Variants in B3GALT1 observed in about 807,000 individuals in gnomAD.
B3GALT1 encodes the protein beta-1,3-galactosyltransferase 1.
B3GALT1 carries 10 observed loss-of-function variants against 23.2 expected under a neutral mutation model. That is an observed-to-expected ratio of 0.43 (90% CI 0.27 to 0.73). The LOEUF is 0.73. Ranked by LOEUF, B3GALT1 falls within the 30% of genes least tolerant of loss-of-function variation. The pLI is 0.21. For synonymous variants in B3GALT1, 156 were observed against 141.5 expected, an observed-to-expected ratio of 1.10 and a Z score of -0.73; for missense variants, 299 against 405.4, an observed-to-expected ratio of 0.74 and a Z score of 2.25.
chr2:167,566,608 C>T (rs1367435884), intron 2 of B3GALT1, among the ~76,000 whole-genome samples: 7 of 151,712 alleles, frequency 4.6e-5, no homozygotes, highest in Non-Finnish European at 1.0e-4. Flanking sequence ...ATTTGAATGA[C>T]GTGAGGTTTA....
intron 3 of B3GALT1, among the ~76,000 whole-genome samples, chr2:167,653,643 A>T (rs959735858): frequency 3.3e-5 from 5 of 152,116 alleles, no homozygotes; most frequent in Non-Finnish European, 7.4e-5. Context: ...TTTACAGGAG[A>T]TGTTGCAGGC....
At chr2:167,581,821 A>G (rs945013503) in intron 2 of B3GALT1, among the ~76,000 whole-genome samples, 3 of 152,172 alleles carry the variant, frequency 2.0e-5, no homozygotes, top group East Asian at 1.9e-4. Context: ...TATCCTGTTT[A>G]TTTATGTATT....
At chr2:167,405,985 A>G (rs1012692895) in intron 1 of B3GALT1, among the ~76,000 whole-genome samples, 3 of 152,136 alleles carry the variant, frequency 2.0e-5, no homozygotes, top group Non-Finnish European at 4.4e-5. Flanking sequence ...AATATTAGAA[A>G]ATAAAGCAGC....
intron 1 of B3GALT1, among the ~76,000 whole-genome samples, chr2:167,460,722 T>C (rs888347088): frequency 1.1e-4 from 17 of 152,138 alleles, no homozygotes; most frequent in African/African-American, 4.1e-4. Flanking sequence ...GTGGTACCTC[T>C]ATAAATTGAT....
chr2:167,673,431 A>G (rs1016852686), intron 3 of B3GALT1, among the ~76,000 whole-genome samples: 7 of 151,958 alleles, frequency 4.6e-5, no homozygotes, highest in African/African-American at 1.7e-4. Context: ...AATAGCACCA[A>G]CTCTTTTGAG....
At chr2:167,479,092 ATAAT>A (rs1446041333) in intron 1 of B3GALT1, among the ~76,000 whole-genome samples, 4 of 151,994 alleles carry the variant, frequency 2.6e-5, no homozygotes, top group African/African-American at 9.6e-5. Flanking sequence ...AAATAAATAA[ATAAT>A]AAATAAATAA....
intron 1 of B3GALT1, among the ~76,000 whole-genome samples, chr2:167,353,544 AG>A (rs1342955898): frequency 6.6e-6 from 1 of 152,068 alleles, no homozygotes; most frequent in Non-Finnish European, 1.5e-5. Context: ...TATTCTCTAA[AG>A]TCTTGGGGTG....
intron 2 of B3GALT1, among the ~76,000 whole-genome samples, chr2:167,633,625 A>G (rs1685498320): frequency 6.6e-6 from 1 of 152,000 alleles, no homozygotes; most frequent in African/African-American, 2.4e-5. Context: ...CAATTCAACA[A>G]GAAGAGCTAA....
chr2:167,496,348 A>T (rs1406298382), intron 2 of B3GALT1, among the ~76,000 whole-genome samples: 1 of 152,128 alleles, frequency 6.6e-6, no homozygotes, highest in Non-Finnish European at 1.5e-5. Context: ...TGAGAAGGTT[A>T]ATGAGAAGAT....
At chr2:167,498,697 G>A (rs1322453973) in intron 2 of B3GALT1, among the ~76,000 whole-genome samples, 3 of 152,158 alleles carry the variant, frequency 2.0e-5, no homozygotes, top group Admixed American at 6.6e-5. Context: ...GATGGTAGGA[G>A]TCATCTGGAA....
chr2:167,352,280 G>GT (rs751182725), intron 1 of B3GALT1, among the ~76,000 whole-genome samples: 42 of 8,624 alleles, frequency 4.9e-3, no homozygotes, highest in South Asian at 0.014. Context: ...TTTTTTTTTT[G>GT]TTTTTTTTTT....
intron 2 of B3GALT1, among the ~76,000 whole-genome samples, chr2:167,568,402 ATGT>A (rs1684218221): frequency 6.6e-6 from 1 of 151,984 alleles, no homozygotes. Context: ...TCAGCATTTG[ATGT>A]TGTCAGTGTT....
chr2:167,536,198 C>T (rs529476681), intron 2 of B3GALT1, among the ~76,000 whole-genome samples: 51 of 152,180 alleles, frequency 3.4e-4, no homozygotes, highest in Non-Finnish European at 5.7e-4. Context: ...TGAGCCACCG[C>T]GCCCAGCCAA....
chr2:167,431,249 A>G (rs1481947731), intron 1 of B3GALT1, among the ~76,000 whole-genome samples: 1 of 152,226 alleles, frequency 6.6e-6, no homozygotes, highest in Non-Finnish European at 1.5e-5. Flanking sequence ...GGTAAATGGG[A>G]AAATAAAAGC....
intron 1 of B3GALT1, among the ~76,000 whole-genome samples, chr2:167,466,782 G>A (rs75518209): frequency 3.5e-4 from 32 of 92,348 alleles, no homozygotes; most frequent in Non-Finnish European, 3.5e-4. Context: ...GTGTGATCTT[G>A]GCTCACTGCA....
chr2:167,425,186 AC>A (rs531334490), intron 1 of B3GALT1, among the ~76,000 whole-genome samples: 93 of 152,344 alleles, frequency 6.1e-4, no homozygotes, highest in Non-Finnish European at 1.1e-3. Context: ...TTGGTAGCAG[AC>A]AGAACTCTGC....
intron 2 of B3GALT1, among the ~76,000 whole-genome samples, chr2:167,626,287 ACC>A (rs912357815): frequency 6.6e-6 from 1 of 151,576 alleles, no homozygotes; most frequent in African/African-American, 2.4e-5. Context: ...TCTAATCCAA[ACC>A]CATATAGATC....
chr2:167,516,530 CAAGTCACTT>C (rs1335480163), intron 2 of B3GALT1, among the ~76,000 whole-genome samples: 1 of 152,016 alleles, frequency 6.6e-6, no homozygotes, highest in African/African-American at 2.4e-5. Context: ...TTGCCTTTGG[CAAGTCACTT>C]AAGTCACTTA....
At chr2:167,737,285 A>G (rs1687508466) in intron 3 of B3GALT1, among the ~76,000 whole-genome samples, 1 of 152,202 alleles carries the variant, frequency 6.6e-6, no homozygotes, top group Admixed American at 6.5e-5. Context: ...GTTTAATGAC[A>G]TTAGTTAATT....
Sources: allele counts gnomAD v4.1 joint callset (sites outside exome capture counted in the v4.1 genomes callset), GRCh38; gene constraint gnomAD v4.1.1; transcripts MANE v1.5; gene names NCBI Gene and HGNC (gene_info 2026-07-23, HGNC 2026-07-21).